Variants in RIMS2 observed in about 807,000 individuals in gnomAD.
The protein encoded by RIMS2 is regulating synaptic membrane exocytosis 2.
In RIMS2, 59 loss-of-function variants were observed where a neutral mutation model predicts 174.4. The ratio of observed to expected loss-of-function variants is 0.34; its 90% CI spans 0.27 to 0.42. The LOEUF is 0.42. Among genes scored for constraint, RIMS2 ranks in the 10% least tolerant of loss-of-function variants. The pLI, the probability that RIMS2 is intolerant of heterozygous loss-of-function variation, is 1.00. For missense variants in RIMS2, 1,620 were observed against 1,666.3 expected (o/e 0.97, Z 0.48); for synonymous variants, 606 against 572.5 (o/e 1.06, Z -0.84).
At chr8:103,796,474 G>C (rs564707508) in intron 3 of RIMS2, among the ~76,000 whole-genome samples, 3 of 152,186 alleles carry the variant, frequency 2.0e-5, no homozygotes, top group African/African-American at 7.2e-5. Flanking sequence ...TAACTCAAAA[G>C]CCTGTTATGC....
chr8:103,573,201 G>A (rs1588042733), intron 1 of RIMS2, among the ~76,000 whole-genome samples: 1 of 151,718 alleles, frequency 6.6e-6, no homozygotes, highest in Non-Finnish European at 1.5e-5. Flanking sequence ...GACTACAGGT[G>A]CATGCCACCA....
intron 19 of RIMS2, among the ~76,000 whole-genome samples, chr8:104,051,854 A>G (rs996650710): frequency 6.6e-6 from 1 of 152,334 alleles, no homozygotes; most frequent in Admixed American, 6.5e-5. Context: ...GACAGACATA[A>G]TACATGCAAA....
intron 16 of RIMS2, among the ~76,000 whole-genome samples, chr8:103,978,618 T>A (rs2093644942): frequency 6.6e-6 from 1 of 152,236 alleles, no homozygotes. Context: ...TAAGGCATTA[T>A]AAAAACTAAT....
Position 103,733,581 on chromosome 8 carries a change from C to T in RIMS2, c.388-32646C>T, listed in dbSNP as rs566016215. ...CACATGGTGGTGAGGCTTGTCTGAACTCAGGTTCTCACTGCTGGGATGGGT... is the reference window on the plus strand; with the variant it reads ...CACATGGTGGTGAGGCTTGTCTGAATTCAGGTTCTCACTGCTGGGATGGGT... On this transcript the variant is annotated intron_variant, in intron 2 of 23. Coordinates refer to ENST00000504942, the Ensembl canonical transcript of RIMS2. 2.6e-5 allele frequency among the ~76,000 whole-genome samples: 4 copies of T among 152,308 alleles called. No homozygotes were observed. In the East Asian group the frequency reaches 7.7e-4, roughly 29 times the overall value.
intron 15 of RIMS2, among the ~76,000 whole-genome samples, chr8:103,965,899 T>C (rs2091683293): frequency 6.6e-6 from 1 of 152,150 alleles, no homozygotes; most frequent in Non-Finnish European, 1.5e-5. Flanking sequence ...TCTATTGATT[T>C]AGTCATGTGA....
intron 1 of RIMS2, among the ~76,000 whole-genome samples, chr8:103,631,103 G>C (rs780842583): frequency 2.0e-5 from 3 of 152,148 alleles, no homozygotes; most frequent in Admixed American, 2.0e-4. Flanking sequence ...TTCTTTTGCT[G>C]TGCAGAAACT....
intron 3 of RIMS2, among the ~76,000 whole-genome samples, chr8:103,882,370 ATTGT>A (rs2099171331): frequency 6.6e-6 from 1 of 151,572 alleles, no homozygotes; most frequent in South Asian, 2.1e-4. Flanking sequence ...GTTGGTAAAA[ATTGT>A]TTGATAGAAT....
At chr8:104,061,212 C>G (rs1465279450) in intron 19 of RIMS2, among the ~76,000 whole-genome samples, 2 of 152,140 alleles carry the variant, frequency 1.3e-5, no homozygotes, top group Non-Finnish European at 2.9e-5. Context: ...GTCTAAGTCT[C>G]TTTGTAGGTC....
intron 1 of RIMS2, among the ~76,000 whole-genome samples, chr8:103,597,152 A>G (rs1281126601): frequency 6.6e-6 from 1 of 152,178 alleles, no homozygotes; most frequent in Non-Finnish European, 1.5e-5. Flanking sequence ...ATAAAAGAAG[A>G]TCAAATTTAT....
chr8:104,152,424 C>A (rs74380309), intron 19 of RIMS2, among the ~76,000 whole-genome samples: 2,526 of 152,214 alleles, frequency 0.017, 75 homozygotes, highest in African/African-American at 0.057. Context: ...GCATAGCCAA[C>A]AGAGATTGTT....
chr8:104,234,541 T>C (rs1001835140), intron 19 of RIMS2, among the ~76,000 whole-genome samples: 1 of 141,854 alleles, frequency 7.0e-6, no homozygotes, highest in Non-Finnish European at 1.5e-5. Flanking sequence ...AGTGTAGTAA[T>C]AGCAACATCA....
At chr8:104,179,136 A>G (rs2098924618) in intron 19 of RIMS2, among the ~76,000 whole-genome samples, 1 of 152,062 alleles carries the variant, frequency 6.6e-6, no homozygotes, top group East Asian at 1.9e-4. Flanking sequence ...TAAGTCATTG[A>G]ACATAGGGAG....
At chr8:103,666,827 T>C (rs2096675683) in intron 1 of RIMS2, among the ~76,000 whole-genome samples, 1 of 152,150 alleles carries the variant, frequency 6.6e-6, no homozygotes, top group African/African-American at 2.4e-5. Flanking sequence ...CTTAGGGCAT[T>C]AGCACTACTC....
chr8:104,114,574 A>G (rs1446157402), intron 19 of RIMS2, among the ~76,000 whole-genome samples: 2 of 152,016 alleles, frequency 1.3e-5, no homozygotes, highest in East Asian at 3.8e-4. Flanking sequence ...TTTCCATTGT[A>G]TTAAATAACA....
chr8:104,068,092 A>C (rs2097135397), intron 19 of RIMS2, among the ~76,000 whole-genome samples: 1 of 152,222 alleles, frequency 6.6e-6, no homozygotes, highest in Non-Finnish European at 1.5e-5. Context: ...TTCTAAATGC[A>C]GTTCTAAAAT....
intron 1 of RIMS2, among the ~76,000 whole-genome samples, chr8:103,561,002 T>G (rs1469172414): frequency 1.3e-5 from 2 of 152,208 alleles, no homozygotes; most frequent in Non-Finnish European, 1.5e-5. Context: ...TTTTTTAGAG[T>G]TTGTTTGATA....
At chr8:103,830,501 T>C (rs1209741307) in intron 3 of RIMS2, among the ~76,000 whole-genome samples, 1 of 151,716 alleles carries the variant, frequency 6.6e-6, no homozygotes, top group Non-Finnish European at 1.5e-5. Context: ...TCAGTTTAAA[T>C]TTATTAGGAT....
chr8:103,852,029 A>G (rs1031672454), intron 3 of RIMS2, among the ~76,000 whole-genome samples: 2 of 151,976 alleles, frequency 1.3e-5, no homozygotes, highest in Non-Finnish European at 2.9e-5. Flanking sequence ...CAGTTTCCGT[A>G]TTCTTCTCCC....
intron 19 of RIMS2, among the ~76,000 whole-genome samples, chr8:104,057,793 C>T (rs1366778571): frequency 7.0e-6 from 1 of 143,662 alleles, no homozygotes; most frequent in Admixed American, 7.2e-5. Flanking sequence ...TGTTCAATTC[C>T]CACCTATGAG....
Sources: allele counts gnomAD v4.1 joint callset (sites outside exome capture counted in the v4.1 genomes callset), GRCh38; gene constraint gnomAD v4.1.1; transcripts MANE v1.5; gene names NCBI Gene and HGNC (gene_info 2026-07-23, HGNC 2026-07-21).